Variants in ACACA observed in about 807,000 individuals in gnomAD.
The protein encoded by ACACA is acetyl-CoA carboxylase 1.
A neutral mutation model predicts 296.1 loss-of-function variants in ACACA; 103 were observed. The observed-to-expected ratio is 0.35, with a 90% confidence interval of 0.30 to 0.41. ACACA has a LOEUF of 0.41. Among genes scored for constraint, ACACA ranks in the 10% least tolerant of loss-of-function variants. ACACA has a pLI of 1.00. For synonymous variants in ACACA, 953 were observed against 1,038.6 expected, an observed-to-expected ratio of 0.92 and a Z score of 1.58; for missense variants, 1,554 against 2,989.7, an observed-to-expected ratio of 0.52 and a Z score of 11.20.
At chr17:37,399,501 C>T (rs1278263131) in intron 1 of ACACA, among the ~76,000 whole-genome samples, 1 of 152,132 alleles carries the variant, frequency 6.6e-6, no homozygotes, top group Non-Finnish European at 1.5e-5. Flanking sequence ...GATGGAGGTC[C>T]TGTACATTAG....
At chr17:37,367,138 C>A (rs1029272422) in intron 1 of ACACA, 1 of 151,058 alleles carries the variant, frequency 6.6e-6, no homozygotes, top group African/African-American at 2.4e-5. Flanking sequence ...AACTCCTAGA[C>A]CTGCAGGTAG....
Position 37,406,622 on chromosome 17 carries a change from G to A in ACACA, c.-323C>T. ...TCCGGAGGGGACCAAACAGCCCCACGCGCCAGGAAGCCTCAGGCAACGGGC... is the reference window on the plus strand; with the variant it reads ...TCCGGAGGGGACCAAACAGCCCCACACGCCAGGAAGCCTCAGGCAACGGGC... On this transcript the variant is annotated 5_prime_UTR_variant, in exon 1 of 56. Coordinates refer to ENST00000616317, the MANE Select transcript of ACACA (RefSeq NM_198834.3). The A allele has an allele frequency of 1.9e-6, 1 of 524,728 alleles. No individual in the cohort carries two copies. The highest frequency in any genetic ancestry group is 3.4e-6 in the Non-Finnish European group (1 of 291,186). 32.5% of individuals were successfully genotyped at this position (524,728 alleles called of 1,614,324 possible).
intron 52 of ACACA, among the ~76,000 whole-genome samples, chr17:37,100,796 A>G (rs1296257118): frequency 2.0e-5 from 3 of 152,178 alleles, no homozygotes; most frequent in African/African-American, 7.2e-5. Flanking sequence ...ACTAATATTT[A>G]TGAATAAAGA....
chr17:37,331,586 T>G (rs1404909892), intron 2 of ACACA, among the ~76,000 whole-genome samples: 4 of 152,078 alleles, frequency 2.6e-5, no homozygotes, highest in Non-Finnish European at 5.9e-5. Flanking sequence ...TTTTGTATTT[T>G]TAGTAGAGAT....
At chr17:37,283,203 T>C in intron 5 of ACACA, 64 bp downstream of exon 5, 4 of 1,597,262 alleles carry the variant, frequency 2.5e-6, no homozygotes, top group Middle Eastern at 1.8e-4. Context: ...TTCTCCTACT[T>C]AAAGGCTGTG....
intron 16 of ACACA, among the ~76,000 whole-genome samples, chr17:37,250,826 C>A (rs1380912048): frequency 6.6e-6 from 1 of 151,972 alleles, no homozygotes; most frequent in East Asian, 1.9e-4. Flanking sequence ...GAGATTGAGA[C>A]CATCCTGGCT....
At chr17:37,376,717 G>A (rs954858591) in intron 1 of ACACA, among the ~76,000 whole-genome samples, 9 of 152,210 alleles carry the variant, frequency 5.9e-5, no homozygotes, top group African/African-American at 1.9e-4. Flanking sequence ...CACTTTGGGA[G>A]GCCAAGATTG....
intron 11 of ACACA, among the ~76,000 whole-genome samples, chr17:37,262,053 A>G (rs2081537586): frequency 6.6e-6 from 1 of 152,088 alleles, no homozygotes; most frequent in Non-Finnish European, 1.5e-5. Context: ...ATGGGGCTTC[A>G]GGTTGTCTTC....
intron 3 of ACACA, among the ~76,000 whole-genome samples, chr17:37,295,137 G>A (rs768561428): frequency 2.0e-5 from 3 of 152,148 alleles, no homozygotes; most frequent in Non-Finnish European, 2.9e-5. Flanking sequence ...ATGCCAGCTC[G>A]CCCCAAGCTG....
At position 37,205,875 on chromosome 17, in the gene ACACA, G is replaced by A. The variant is rs774023704; in HGVS notation, c.3949-3C>T. ...TGAATTGGTTCATCCCTGGGAACCTGTAACTCAAGAACACAAGTCAAAGAA... is the reference window on the plus strand; with the variant it reads ...TGAATTGGTTCATCCCTGGGAACCTATAACTCAAGAACACAAGTCAAAGAA... On this transcript the variant is annotated splice_polypyrimidine_tract_variant and splice_region_variant and intron_variant, in intron 32 of 55. Coordinates refer to ENST00000616317, the MANE Select transcript of ACACA (RefSeq NM_198834.3). The A allele has an allele frequency of 6.2e-7, 1 of 1,605,112 alleles. No homozygotes were observed. The highest frequency in any genetic ancestry group is 1.7e-5 in the Admixed American group (1 of 60,020).
chr17:37,224,966 T>TTTTATA, intron 27 of ACACA, 26 bp downstream of exon 27: 1 of 911,164 alleles, frequency 1.1e-6, no homozygotes, highest in Non-Finnish European at 1.6e-6. Context: ...CAGGAAAGGG[T>TTTTATA]TATATATATA....
chr17:37,361,470 T>C (rs1216670775), intron 1 of ACACA, among the ~76,000 whole-genome samples: 2 of 152,170 alleles, frequency 1.3e-5, no homozygotes, highest in African/African-American at 4.8e-5. Flanking sequence ...TCACTGATTA[T>C]TTTAAATAAT....
intron 3 of ACACA, among the ~76,000 whole-genome samples, chr17:37,309,095 C>T (rs2084013039): frequency 6.6e-6 from 1 of 152,176 alleles, no homozygotes; most frequent in African/African-American, 2.4e-5. Flanking sequence ...TCATAGTTCA[C>T]TGCGGCCTTA....
At chr17:37,398,101 G>A (rs905688304) in intron 1 of ACACA, among the ~76,000 whole-genome samples, 5 of 151,028 alleles carry the variant, frequency 3.3e-5, no homozygotes, top group Non-Finnish European at 5.9e-5. Flanking sequence ...GTGGTGGCGC[G>A]CGCCTGTACT....
At chr17:37,155,452 C>A (rs999703918) in intron 43 of ACACA, among the ~76,000 whole-genome samples, 32 of 152,076 alleles carry the variant, frequency 2.1e-4, no homozygotes, top group Non-Finnish European at 4.1e-4. Context: ...TAATTGTTTA[C>A]ATGTTTCAGT....
intron 1 of ACACA, among the ~76,000 whole-genome samples, chr17:37,377,659 CAATAAATAAATAAATAAATA>C (rs140365002): frequency 4.9e-5 from 7 of 143,634 alleles, no homozygotes; most frequent in South Asian, 2.3e-4. Context: ...GACTCCGTCT[CAATAAATAAATAAATAAATA>C]AATAAATAAA....
At chr17:37,105,720 C>A (rs951380268) in intron 52 of ACACA, among the ~76,000 whole-genome samples, 2 of 150,974 alleles carry the variant, frequency 1.3e-5, no homozygotes, top group South Asian at 4.2e-4. Flanking sequence ...CAAAATTAGT[C>A]GGGCATGGTG....
intron 2 of ACACA, among the ~76,000 whole-genome samples, chr17:37,331,862 A>G (rs1192052998): frequency 1.3e-5 from 2 of 152,030 alleles, no homozygotes; most frequent in Non-Finnish European, 2.9e-5. Context: ...ACGTATGTGT[A>G]TACTTTTAAA....
Position 37,196,212 on chromosome 17 carries a change from T to A in ACACA, c.4159-2797A>T, listed in dbSNP as rs116576511. On this transcript the variant is annotated intron_variant, in intron 35 of 55. Coordinates refer to ENST00000616317, the MANE Select transcript of ACACA (RefSeq NM_198834.3). ...CATGCTGAGAACTAATTATATAGAC[T>A]GTAATTAAAACAAAAATCCAAACCA... is the stretch of plus-strand genomic sequence containing the variant. Among the ~76,000 whole-genome samples the A allele has an allele frequency of 6.7e-3, 1,019 of 151,964 alleles. 7 individuals are homozygous for A. The highest frequency in any genetic ancestry group is 0.023 in the African/African-American group (969 of 41,438).
Sources: allele counts gnomAD v4.1 joint callset (sites outside exome capture counted in the v4.1 genomes callset), GRCh38; gene constraint gnomAD v4.1.1; transcripts MANE v1.5; gene names NCBI Gene and HGNC (gene_info 2026-07-23, HGNC 2026-07-21).